The following NCKAP5 variants were observed in gnomAD, a reference collection of about 807,000 sequenced individuals.
NCKAP5 encodes nck-associated protein 5.
In NCKAP5, 92 loss-of-function variants were observed where a neutral mutation model predicts 167.0. That is an observed-to-expected ratio of 0.55 (90% confidence interval 0.47 to 0.66). The LOEUF (loss-of-function observed/expected upper bound fraction) is 0.66, where lower values mean the gene tolerates loss of function less well. Among genes scored for constraint, NCKAP5 ranks in the 30% least tolerant of loss-of-function variants. NCKAP5 has a pLI of 0.00. For synonymous variants in NCKAP5, 891 were observed against 877.4 expected (o/e 1.02, Z -0.27); for missense variants, 2,378 against 2,315.0 (o/e 1.03, Z -0.56).
the NCKAP5 span, among the ~76,000 whole-genome samples, chr2:133,618,284 A>G: frequency 2.1e-4 from 32 of 150,476 alleles, no homozygotes; most frequent in East Asian, 6.3e-3. Context: ...CAATGGCAAC[A>G]AAAGACAAAA....
intron 5 of NCKAP5, among the ~76,000 whole-genome samples, chr2:133,205,400 C>T (rs1279939688): frequency 2.0e-5 from 3 of 152,110 alleles, no homozygotes; most frequent in African/African-American, 7.2e-5. Context: ...TTTATTCTCA[C>T]TAAATTGTAA....
intron 5 of NCKAP5, among the ~76,000 whole-genome samples, chr2:133,157,851 T>C (rs1475372930): frequency 4.6e-5 from 7 of 152,184 alleles, no homozygotes; most frequent in East Asian, 1.9e-4. Context: ...AAAAAATCCA[T>C]GTAATCTAAT....
chr2:133,406,581 G>GAAGA (rs1365675875), intron 3 of NCKAP5, among the ~76,000 whole-genome samples: 1 of 91,728 alleles, frequency 1.1e-5, no homozygotes, highest in Non-Finnish European at 2.1e-5. Flanking sequence ...AAACTTCCAG[G>GAAGA]AAGGAAGGAA....
intron 5 of NCKAP5, among the ~76,000 whole-genome samples, chr2:133,134,109 G>A (rs1199064732): frequency 6.6e-6 from 1 of 152,126 alleles, no homozygotes; most frequent in African/African-American, 2.4e-5. Context: ...GAACTGCATC[G>A]AAACACACAA....
intron 3 of NCKAP5, among the ~76,000 whole-genome samples, chr2:133,321,960 T>C (rs1682087684): frequency 2.0e-5 from 3 of 152,206 alleles, no homozygotes; most frequent in South Asian, 2.1e-4. Flanking sequence ...TCAATATTAA[T>C]TAGGTAAAAC....
intron 3 of NCKAP5, among the ~76,000 whole-genome samples, chr2:133,377,838 G>A (rs564093017): frequency 3.9e-5 from 6 of 152,286 alleles, no homozygotes; most frequent in African/African-American, 1.4e-4. Context: ...TAGGGATGGA[G>A]CCATCTGAGG....
At chr2:133,077,186 A>G (rs2080634194) in intron 6 of NCKAP5, among the ~76,000 whole-genome samples, 1 of 152,220 alleles carries the variant, frequency 6.6e-6, no homozygotes, top group Non-Finnish European at 1.5e-5. Flanking sequence ...ACTTCTGTGA[A>G]AGGCAGAATA....
intron 4 of NCKAP5, among the ~76,000 whole-genome samples, chr2:133,225,220 G>A (rs910988168): frequency 6.4e-5 from 9 of 141,510 alleles, no homozygotes; most frequent in Admixed American, 3.7e-4. Context: ...AGCTTAATAT[G>A]GAAAGGGAAT....
At chr2:132,866,528 A>G (rs755531013) in intron 10 of NCKAP5, among the ~76,000 whole-genome samples, 18 of 152,168 alleles carry the variant, frequency 1.2e-4, no homozygotes, top group Non-Finnish European at 2.1e-4. Flanking sequence ...GACGAGGTAC[A>G]CTGAACAGAA....
rs1460438379 is a variant in NCKAP5, at chr2:132,782,496, T to A, written c.4315A>T (p.Thr1439Ser). 4.4e-6 allele frequency: 7 copies of A among 1,608,658 alleles called. No individual in the cohort carries two copies. The South Asian group carries it at 7.8e-5, about 18-fold the overall frequency. Residue 1439 changes from threonine (T) to serine (S), a missense_variant, in exon 14 of 20, where the codon ACA (threonine) becomes TCA (serine). Coordinates refer to ENST00000409261, the MANE Select transcript of NCKAP5 (RefSeq NM_207363.3). ...GTTTCTAGCTTGGATGTACTGCTTG[T>A]TTCAAAAGTGCTTGGATGCTGAGTC... ...GRTQHPSTFE[T>S]SSTSKLETSG...
chr2:133,504,575 T>C (rs939454907), intron 3 of NCKAP5, among the ~76,000 whole-genome samples: 20 of 152,160 alleles, frequency 1.3e-4, no homozygotes, highest in African/African-American at 4.8e-4. Context: ...ATTTTATCTT[T>C]TGGCATGCTT....
chr2:133,383,247 G>C (rs1686659746), intron 3 of NCKAP5, among the ~76,000 whole-genome samples: 1 of 152,040 alleles, frequency 6.6e-6, no homozygotes, highest in Admixed American at 6.5e-5. Context: ...CCTGGTGTGT[G>C]ATGTTCCCCT....
chr2:133,036,309 C>T (rs2079039862), intron 6 of NCKAP5, among the ~76,000 whole-genome samples: 1 of 151,932 alleles, frequency 6.6e-6, no homozygotes, highest in South Asian at 2.1e-4. Flanking sequence ...GGGATTACTT[C>T]CAAACTCATT....
chr2:132,904,084 C>G (rs1437977046), intron 8 of NCKAP5, among the ~76,000 whole-genome samples: 1 of 151,844 alleles, frequency 6.6e-6, no homozygotes. Context: ...GTCAGGAGAT[C>G]GAGACCATCT....
chr2:133,149,796 G>A (rs187382006), intron 5 of NCKAP5, among the ~76,000 whole-genome samples: 2 of 152,052 alleles, frequency 1.3e-5, no homozygotes, highest in South Asian at 4.1e-4. Flanking sequence ...TCTAGTCCAT[G>A]CCCCCTACTT....
intron 3 of NCKAP5, among the ~76,000 whole-genome samples, chr2:133,323,199 T>C (rs1402449524): frequency 1.3e-5 from 2 of 152,228 alleles, no homozygotes; most frequent in African/African-American, 4.8e-5. Context: ...TTATGGATAT[T>C]TGGCAATTTT....
At chr2:133,321,146 C>T (rs1158158692) in intron 3 of NCKAP5, among the ~76,000 whole-genome samples, 1 of 152,136 alleles carries the variant, frequency 6.6e-6, no homozygotes, top group Non-Finnish European at 1.5e-5. Context: ...AAAGGGGTTT[C>T]CAGCTGCCTG....
intron 3 of NCKAP5, among the ~76,000 whole-genome samples, chr2:133,444,913 A>G (rs1691100286): frequency 6.6e-6 from 1 of 152,192 alleles, no homozygotes; most frequent in African/African-American, 2.4e-5. Context: ...CCATGTGAAG[A>G]ATTATTTTAA....
chr2:133,467,853 G>T (rs1692721378), intron 3 of NCKAP5, among the ~76,000 whole-genome samples: 1 of 135,040 alleles, frequency 7.4e-6, no homozygotes, highest in African/African-American at 2.9e-5. Flanking sequence ...GATTGGTGGT[G>T]ATATCCCCTT....
Sources: gnomAD v4.1 joint callset for allele counts (sites outside exome capture counted in the v4.1 genomes callset) on GRCh38, gnomAD v4.1.1 for gene constraint, MANE v1.5 for transcripts, NCBI Gene and HGNC (gene_info 2026-07-23, HGNC 2026-07-21) for gene names.